The following CCDC136 variants were observed in gnomAD, a reference collection of about 807,000 sequenced individuals.
CCDC136 encodes the protein coiled-coil domain containing 136.
In CCDC136, 100 loss-of-function variants were observed where a neutral mutation model predicts 141.2. The observed-to-expected ratio is 0.71, with a 90% CI of 0.60 to 0.84. The LOEUF is 0.84. CCDC136 is among the 40% of genes least tolerant of loss of function. The pLI is 0.00. For synonymous variants in CCDC136, 474 were observed against 531.9 expected (o/e 0.89, Z 1.50); for missense variants, 1,206 against 1,379.4 (o/e 0.87, Z 1.99).
chr7:128,806,281 T>C lies in CCDC136; in HGVS notation c.1134T>C (p.Tyr378=). ...GACTCTGTACCCTGCAGAAAAAATA[T>C]GATACTAGCCAGGATGAGCAGAACG... ...KSRLCTLQKK[Y]DTSQDEQNEL... The change falls in exon 8 of 18, where the codon TAT becomes TAC. Residue 378 remains tyrosine (Y), a synonymous_variant. Coordinates refer to ENST00000297788, the MANE Select transcript of CCDC136 (RefSeq NM_022742.5). 6.3e-7 allele frequency: 1 copy of C among 1,580,628 alleles called. No homozygotes were observed. Among genetic ancestry groups the C allele is most frequent in the Non-Finnish European group, 8.6e-7 (1 of 1,162,868 alleles).
intron 14 of CCDC136, 109 bp downstream of exon 14, chr7:128,813,038 C>A (rs1291043625): frequency 1.4e-6 from 1 of 735,780 alleles, no homozygotes; most frequent in Non-Finnish European, 2.3e-6. Flanking sequence ...AGAATATGCA[C>A]CTCAGAGGCT....
At chr7:128,818,209 A>G (rs1160204730) in intron 17 of CCDC136, 7 of 248,148 alleles carry the variant, frequency 2.8e-5, no homozygotes, top group Non-Finnish European at 5.4e-5. Context: ...TGTGATGGCT[A>G]GCCTGACCAC....
chr7:128,804,704 C>T lies in CCDC136; in HGVS notation c.725C>T (p.Ala242Val), dbSNP rs1804562124. 6.3e-7 allele frequency: 1 copy of T among 1,599,126 alleles called. No homozygotes were observed. Among genetic ancestry groups the T allele is most frequent in the African/African-American group, 1.3e-5 (1 of 74,662 alleles). Residue 242 changes from alanine (A) to valine (V), a missense_variant, in exon 5 of 18, where the codon GCC becomes GTC. Coordinates refer to ENST00000297788, the MANE Select transcript of CCDC136 (RefSeq NM_022742.5). ...CATTTCCTGAATGAGGAATACCGGG[C>T]CCTGCAGGAGAGCAACAGCAGCCTC... ...RYHFLNEEYR[A>V]LQESNSSLTG...
chr7:128,808,878 T>C, intron 10 of CCDC136: 1 of 985,402 alleles, frequency 1.0e-6, no homozygotes, highest in Non-Finnish European at 1.2e-6. Context: ...AGCATTGAGA[T>C]CTGTCTGATA....
chr7:128,817,660 T>G lies in CCDC136; in HGVS notation c.3364-98T>G. 1 of 913,274 alleles carries G rather than the reference T, an allele frequency of 1.1e-6. No homozygotes were observed. Among genetic ancestry groups the G allele is most frequent in the Non-Finnish European group, 1.8e-6 (1 of 540,750 alleles). The allele number at this position is 913,274 out of a possible 1,614,324, so 56.6% of individuals were successfully genotyped here. On this transcript the variant is annotated intron_variant, in intron 16 of 17. Transcript: ENST00000297788. The surrounding 1 kb of genome is among the most constrained non-coding windows in gnomAD (Gnocchi z 4.6). ...CCTCTTGATTCCTTTCTCTTTTCCC[T>G]TTGTTTTCTCATCTTCATTATCTGT...
intron 17 of CCDC136, among the ~76,000 whole-genome samples, chr7:128,819,062 T>A (rs945786427): frequency 2.6e-5 from 4 of 152,234 alleles, no homozygotes; most frequent in African/African-American, 4.8e-5. Flanking sequence ...TTCCCTTTAC[T>A]CCCTGGTCCA....
At chr7:128,811,414 T>G (rs1233640731) in intron 12 of CCDC136, 1 of 458,770 alleles carries the variant, frequency 2.2e-6, no homozygotes, top group Non-Finnish European at 4.4e-6. Flanking sequence ...ATTTTAGAAC[T>G]AGGGGTGGGC....
At chr7:128,797,507 A>G (rs1803218444) in intron 3 of CCDC136, among the ~76,000 whole-genome samples, 1 of 152,212 alleles carries the variant, frequency 6.6e-6, no homozygotes, top group South Asian at 2.1e-4. Flanking sequence ...GGAGCATGTC[A>G]TGCCCTGTAA....
intron 4 of CCDC136, among the ~76,000 whole-genome samples, chr7:128,801,800 A>G (rs1401516389): frequency 6.6e-6 from 1 of 152,208 alleles, no homozygotes; most frequent in Non-Finnish European, 1.5e-5. Context: ...AATTTTAAAA[A>G]GACAGTAAAG....
Position 128,805,976 on chromosome 7 carries a change from GCACA to G in CCDC136, c.1089+76_1089+79del, listed in dbSNP as rs1804780058. 28 of 1,546,872 alleles carry G rather than the reference GCACA, an allele frequency of 1.8e-5. 2 individuals are homozygous for G. The South Asian group carries it at 3.2e-4, about 18-fold the overall frequency. ...GGAGGGGCTGCTTCAACCGGGGTGG[GCACA>G]GTGAGTATGGCTGTGCTCTGCTGAC... On this transcript the variant is annotated intron_variant, in intron 7 of 17. Transcript: ENST00000297788. This position sits in a 1 kb window ranked among gnomAD's most constrained non-coding sequence, Gnocchi z 4.6.
At chr7:128,810,090 C>G in intron 11 of CCDC136, 49 bp from the exon 12 acceptor site, 1 of 1,185,316 alleles carries the variant, frequency 8.4e-7, no homozygotes, top group South Asian at 1.4e-5. Context: ...ATCAGACTTC[C>G]TGTGTGACCA....
chr7:128,812,228 C>T lies in CCDC136; in HGVS notation c.2457C>T (p.Gly819=), dbSNP rs1216315454. Residue 819 remains glycine, a synonymous_variant, in exon 13 of 18, where the codon GGC becomes GGT. Transcript: ENST00000297788. The part of the protein sequence containing the change: ...NSSITYKKSY[G]STSSSDTCQK... ...GCATTACCTATAAGAAGAGTTACGG[C>T]AGCACCAGTAGCTCTGACACCTGCC... The T allele has an allele frequency of 4.3e-6, 7 of 1,613,930 alleles. 1 individual carries two copies. The South Asian group carries it at 7.7e-5, about 18-fold the overall frequency.
chr7:128,800,602 A>G (rs1803879313), intron 3 of CCDC136, among the ~76,000 whole-genome samples: 2 of 152,160 alleles, frequency 1.3e-5, no homozygotes, highest in Admixed American at 1.3e-4. Flanking sequence ...GCCTATCATC[A>G]ATTTAAACAA....
At chr7:128,791,158 A>AG (rs1250589490), upstream of CCDC136, among the ~76,000 whole-genome samples, 1 of 152,106 alleles carries the variant, frequency 6.6e-6, no homozygotes, top group African/African-American at 2.4e-5. The surrounding 1 kb of genome is among the most constrained non-coding windows in gnomAD (Gnocchi z 7.1). Flanking sequence ...CGCCAGAACC[A>AG]GGGGATCTCG....
intron 4 of CCDC136, 34 bp from the exon 5 acceptor site, chr7:128,804,616 C>T (rs1804545188): frequency 7.4e-7 from 1 of 1,343,468 alleles, no homozygotes; most frequent in Admixed American, 2.0e-5. Flanking sequence ...TTCCTTTCCT[C>T]CCGGTCTCAT....
At chr7:128,799,659 G>A (rs1803685022) in intron 3 of CCDC136, among the ~76,000 whole-genome samples, 1 of 151,986 alleles carries the variant, frequency 6.6e-6, no homozygotes, top group African/African-American at 2.4e-5. Context: ...TTGAGGAAGT[G>A]GAGGTACAGG....
In CCDC136 at chr7:128,807,446, T is replaced by G. The variant is rs1347928701; in HGVS notation, c.1506T>G (p.Tyr502Ter). Residue 502 changes from tyrosine to a stop codon, truncating the protein, a stop_gained, in exon 10 of 18, where the codon TAT becomes TAG. Coordinates refer to ENST00000297788, the MANE Select transcript of CCDC136 (RefSeq NM_022742.5). LOFTEE classifies it high-confidence loss of function. ...KDELERQKHM[Y>*]DQLEQDLLLC... The stretch of plus-strand genomic sequence containing the variant: ...AGCTGGAGCGGCAGAAGCACATGTA[T>G]GACCAGCTGGAGCAGGACCTCCTGC... 2 of 1,571,068 alleles carry G rather than the reference T, an allele frequency of 1.3e-6. No individual in the cohort carries two copies.
intron 14 of CCDC136, among the ~76,000 whole-genome samples, chr7:128,814,286 A>T (rs77896614): frequency 2.6e-5 from 4 of 151,988 alleles, no homozygotes; most frequent in Non-Finnish European, 5.9e-5. Context: ...GGGTTTCACC[A>T]TGTTGGCCAG....
chr7:128,800,476 G>A (rs1408764533), intron 3 of CCDC136, among the ~76,000 whole-genome samples: 1 of 143,102 alleles, frequency 7.0e-6, no homozygotes, highest in East Asian at 2.0e-4. Flanking sequence ...TTTTTTTTTA[G>A]CGAAGACTGG....
Sources: gnomAD v4.1 joint callset for allele counts (sites outside exome capture counted in the v4.1 genomes callset) on GRCh38, gnomAD v4.1.1 for gene constraint, Gnocchi (gnomAD v3.1) non-coding constraint, MANE v1.5 for transcripts, NCBI Gene and HGNC (gene_info 2026-07-23, HGNC 2026-07-21) for gene names.